The following RTN4R variants were observed in gnomAD, a reference collection of about 807,000 sequenced individuals.
RTN4R encodes reticulon 4 receptor.
Under a neutral mutation model 27.7 loss-of-function variants are expected in RTN4R, and 4 were observed. That is an observed-to-expected ratio of 0.14 (90% CI 0.07 to 0.33). The LOEUF (loss-of-function observed/expected upper bound fraction) is 0.33. RTN4R is among the 10% of genes least tolerant of loss of function. The probability of loss-of-function intolerance (pLI) is 1.00; values close to 1 mark genes in which losing one functional copy is unlikely to be tolerated. For synonymous variants in RTN4R, 290 were observed against 305.6 expected (o/e 0.95, Z 0.53); for missense variants, 554 against 671.5 (o/e 0.83, Z 1.93).
Position 20,241,488 on chromosome 22 carries a change from A to G in RTN4R, c.*223T>C. ...TAAAATAAAATGCATATCTCTATAT[A>G]CCGCGATCTGGGTGGGAGGCGGCGT... On this transcript the variant is annotated 3_prime_UTR_variant, in exon 2 of 2. Coordinates refer to ENST00000043402, the MANE Select transcript of RTN4R (RefSeq NM_023004.6). The G allele has an allele frequency of 1.7e-6, 1 of 592,850 alleles. No homozygotes were observed. The highest frequency in any genetic ancestry group is 3.0e-6 in the Non-Finnish European group (1 of 331,534). The allele number at this position is 592,850 out of a possible 1,614,324, so 36.7% of individuals were successfully genotyped here.
chr22:20,267,794 C>T (rs1352475596), intron 1 of RTN4R: 2 of 387,890 alleles, frequency 5.2e-6, no homozygotes, highest in Non-Finnish European at 1.0e-5. Context: ...CTTGGCCCAG[C>T]ATCGGGGACC....
rs1415157856 is a variant in RTN4R, at chr22:20,241,715, C to T, written c.1418G>A (p.Cys473Tyr). 5 of 1,549,742 alleles carry T rather than the reference C, an allele frequency of 3.2e-6. No homozygotes were observed. The highest frequency in any genetic ancestry group is 4.4e-6 in the Non-Finnish European group (5 of 1,146,822). Residue 473 changes from cysteine (C) to tyrosine (Y), a missense_variant, in exon 2 of 2, where the codon TGC (cysteine) becomes TAC (tyrosine). By Grantham distance (194) the Cys-to-Tyr change is radical. Transcript: ENST00000043402. ...ALVLWTVLGP[C>Y] ...CGCTCTTGTGTCCGCTGGGGGTCAG[C>T]AGGGCCCAAGCACTGTCCACAGCAC...
intron 1 of RTN4R, among the ~76,000 whole-genome samples, chr22:20,262,397 G>T (rs576203304): frequency 7.9e-5 from 12 of 152,342 alleles, no homozygotes; most frequent in African/African-American, 2.6e-4. Context: ...GGGCAGAGTG[G>T]GTGATGGGCC....
At chr22:20,252,362 G>A (rs545441824) in intron 1 of RTN4R, among the ~76,000 whole-genome samples, 121 of 152,348 alleles carry the variant, frequency 7.9e-4, no homozygotes, top group African/African-American at 2.8e-3. Context: ...GAGGACAAGG[G>A]ATGGGGAGTA....
At chr22:20,248,570 G>C (rs984662369) in intron 1 of RTN4R, among the ~76,000 whole-genome samples, 2 of 152,220 alleles carry the variant, frequency 1.3e-5, no homozygotes, top group Admixed American at 1.3e-4. Flanking sequence ...CCGTACCTTG[G>C]CAAGGTGTGA....
chr22:20,243,570 A>G (rs554152480), intron 1 of RTN4R: 131 of 438,520 alleles, frequency 3.0e-4, no homozygotes, highest in Middle Eastern at 2.2e-3. Context: ...GGGCACGTCT[A>G]TCTCAAAAAC....
intron 1 of RTN4R, among the ~76,000 whole-genome samples, chr22:20,262,200 G>C (rs141181327): frequency 4.6e-5 from 7 of 152,346 alleles, no homozygotes; most frequent in African/African-American, 1.7e-4. Flanking sequence ...TGGACGTTGG[G>C]TACGGAGGAT....
intron 1 of RTN4R, among the ~76,000 whole-genome samples, chr22:20,257,967 A>G (rs544261084): frequency 6.6e-6 from 1 of 152,214 alleles, no homozygotes; most frequent in Middle Eastern, 3.4e-3. Flanking sequence ...ACGTCTCAGA[A>G]CTGCTTCCCT....
chr22:20,242,288 G>A lies in RTN4R; in HGVS notation c.845C>T (p.Ser282Phe). 6.2e-7 allele frequency: 1 copy of A among 1,601,798 alleles called. No individual in the cohort carries two copies. The highest frequency in any genetic ancestry group is 8.5e-7 in the Non-Finnish European group (1 of 1,175,420). The change falls in exon 2 of 2, where the codon TCC becomes TTC. Residue 282 changes from serine to phenylalanine, a missense_variant. Around this residue, in one of 2 missense-constraint regions of RTN4R, gnomAD observed 413 missense variants for 542.3 expected, o/e 0.76. Transcript: ENST00000043402. Reference sequence around the variant, plus strand: ...CGGGAGGCTGCAGGGCACCTCGGAGGAGGAGCCGCGGAACTTCTGCAGCCA... The same window carrying A: ...CGGGAGGCTGCAGGGCACCTCGGAGAAGGAGCCGCGGAACTTCTGCAGCCA... Reference protein sequence around the residue: ...WAWLQKFRGSSSEVPCSLPQR... With the variant: ...WAWLQKFRGSFSEVPCSLPQR...
In RTN4R at chr22:20,268,144, C is replaced by A. The variant is rs2051290530; in HGVS notation, c.-52G>T. On this transcript the variant is annotated 5_prime_UTR_variant, in exon 1 of 2. Coordinates refer to ENST00000043402, the MANE Select transcript of RTN4R (RefSeq NM_023004.6). The stretch of plus-strand genomic sequence containing the variant: ...GGACTGAAAGTCGTTTCGGGGCGGG[C>A]GCCCGTCTCCCCGCGGCCGGGTCCG... 2.8e-6 allele frequency: 3 copies of A among 1,060,618 alleles called. No individual in the cohort carries two copies. The highest frequency in any genetic ancestry group is 1.7e-5 in the African/African-American group (1 of 58,592). The allele number at this position is 1,060,618 out of a possible 1,614,324, so 65.7% of individuals were successfully genotyped here.
chr22:20,246,222 C>CG (rs1823308181), intron 1 of RTN4R, among the ~76,000 whole-genome samples: 1 of 152,170 alleles, frequency 6.6e-6, no homozygotes, highest in Non-Finnish European at 1.5e-5. Flanking sequence ...GCTTTCCCAG[C>CG]GGGGACAGTG....
At chr22:20,258,188 A>G (rs924970905) in intron 1 of RTN4R, among the ~76,000 whole-genome samples, 1 of 152,174 alleles carries the variant, frequency 6.6e-6, no homozygotes, top group Non-Finnish European at 1.5e-5. Context: ...CCAGGCCTGA[A>G]GCCAGCACCA....
rs771006472 is a variant in RTN4R, at chr22:20,241,948, G to A, written c.1185C>T (p.Leu395=). Residue 395 remains leucine (L), a synonymous_variant, in exon 2 of 2, where the codon CTC becomes CTT. Coordinates refer to ENST00000043402, the MANE Select transcript of RTN4R (RefSeq NM_023004.6). ...GTLPGSAEPP[L]TAVRPEGSEP... is the part of the protein sequence containing the mutation. ...CGGAGCCCTCGGGCCGCACTGCAGTGAGCGGGGGCTCAGCAGAGCCAGGCA... is the reference window on the plus strand; with the variant it reads ...CGGAGCCCTCGGGCCGCACTGCAGTAAGCGGGGGCTCAGCAGAGCCAGGCA... 1.1e-5 allele frequency: 18 copies of A among 1,608,720 alleles called. No individual in the cohort carries two copies. The African/African-American group carries it at 1.3e-4, about 12-fold the overall frequency.
chr22:20,257,616 G>A (rs377384007), intron 1 of RTN4R, among the ~76,000 whole-genome samples: 2 of 152,256 alleles, frequency 1.3e-5, no homozygotes, highest in African/African-American at 2.4e-5. Flanking sequence ...ATGTGCTTCC[G>A]TTGTTTAGGA....
At chr22:20,264,306 T>G (rs184412173) in intron 1 of RTN4R, among the ~76,000 whole-genome samples, 2 of 152,184 alleles carry the variant, frequency 1.3e-5, no homozygotes, top group East Asian at 3.8e-4. Context: ...GTTCCCGATG[T>G]GCAAAATGTT....
intron 1 of RTN4R, among the ~76,000 whole-genome samples, chr22:20,261,854 G>A (rs1270058497): frequency 6.6e-6 from 1 of 152,254 alleles, no homozygotes; most frequent in African/African-American, 2.4e-5. Flanking sequence ...GGCTTCCCTG[G>A]TGAGGATGGA....
Position 20,242,494 on chromosome 22 carries a change from G to A in RTN4R, c.639C>T (p.Arg213=), listed in dbSNP as rs145184602. ...AGGCATGCGGGTGCACATGGGCCAC[G>A]CGGTTCTGGTGCAGTAGGAGACGGT... The part of the protein sequence containing the change: ...SLDRLLLHQN[R]VAHVHPHAFR... Residue 213 remains arginine (R), a synonymous_variant, in exon 2 of 2, where the codon CGC becomes CGT. Coordinates refer to ENST00000043402, the MANE Select transcript of RTN4R (RefSeq NM_023004.6). 17 of 1,613,750 alleles carry A rather than the reference G, an allele frequency of 1.1e-5. No homozygotes were observed. Among genetic ancestry groups the A allele is most frequent in the Middle Eastern group, 1.6e-4 (1 of 6,062 alleles).
intron 1 of RTN4R, among the ~76,000 whole-genome samples, chr22:20,254,285 C>T (rs916732810): frequency 4.0e-5 from 6 of 151,336 alleles, no homozygotes; most frequent in Non-Finnish European, 5.9e-5. Flanking sequence ...AAAAGTTAGC[C>T]GGGTGTGGTG....
chr22:20,252,715 C>G (rs971521627), intron 1 of RTN4R, among the ~76,000 whole-genome samples: 10 of 152,278 alleles, frequency 6.6e-5, no homozygotes, highest in African/African-American at 2.4e-4. Flanking sequence ...CCCCAGTCCC[C>G]CATGGCACCT....
Sources: allele counts gnomAD v4.1 joint callset (sites outside exome capture counted in the v4.1 genomes callset), GRCh38; gene constraint gnomAD v4.1.1; regional missense constraint gnomAD v4.1.1; transcripts MANE v1.5; gene names NCBI Gene and HGNC (gene_info 2026-07-23, HGNC 2026-07-21).